The following DST variants were observed in gnomAD, a reference collection of about 807,000 sequenced individuals.
The protein encoded by DST is bullous pemphigoid antigen.
Under a neutral mutation model 875.2 loss-of-function variants are expected in DST, and 253 were observed. The ratio of observed to expected loss-of-function variants is 0.29; its 90% confidence interval spans 0.26 to 0.32. The LOEUF is 0.32. Among genes scored for constraint, DST ranks in the 10% least tolerant of loss-of-function variants. DST has a pLI of 1.00. For synonymous variants in DST, 3,124 were observed against 3,197.1 expected, an observed-to-expected ratio of 0.98 and a Z score of 0.77; for missense variants, 8,287 against 9,111.6, an observed-to-expected ratio of 0.91 and a Z score of 3.68.
intron 2 of DST, among the ~76,000 whole-genome samples, chr6:56,925,133 AT>A (rs199751183): frequency 0.019 from 2,890 of 152,296 alleles, 35 homozygotes; most frequent in Non-Finnish European, 0.031. Flanking sequence ...TAATAAAAGT[AT>A]TTCTTTAATT....
chr6:56,786,090 CTGTG>C (rs963077439), intron 4 of DST, among the ~76,000 whole-genome samples: 2 of 152,082 alleles, frequency 1.3e-5, no homozygotes, highest in African/African-American at 2.4e-5. Context: ...ATGAATAAAA[CTGTG>C]TGTGTTTGTG....
At chr6:56,920,956 T>C (rs1045208458) in intron 2 of DST, among the ~76,000 whole-genome samples, 2 of 142,662 alleles carry the variant, frequency 1.4e-5, no homozygotes, top group Non-Finnish European at 3.0e-5. Context: ...GTTGCCCAGG[T>C]TGATCTGGAA....
intron 27 of DST, among the ~76,000 whole-genome samples, chr6:56,633,588 C>T (rs972518319): frequency 2.7e-5 from 4 of 150,746 alleles, no homozygotes; most frequent in Non-Finnish European, 5.9e-5. Context: ...GCAACCTCTG[C>T]CCCCCAGGTC....
intron 4 of DST, among the ~76,000 whole-genome samples, chr6:56,817,668 A>C (rs543828100): frequency 6.6e-6 from 1 of 152,274 alleles, no homozygotes; most frequent in African/African-American, 2.4e-5. Context: ...AAAGGAAATC[A>C]TGATGATTTC....
chr6:56,899,250 G>C (rs1271207509), intron 3 of DST, among the ~76,000 whole-genome samples: 2 of 152,160 alleles, frequency 1.3e-5, no homozygotes, highest in Non-Finnish European at 2.9e-5. Flanking sequence ...TGTTGAATGA[G>C]TAAATTTTCC....
At chr6:56,487,787 G>A (rs2095613950) in intron 86 of DST, among the ~76,000 whole-genome samples, 1 of 152,048 alleles carries the variant, frequency 6.6e-6, no homozygotes, top group South Asian at 2.1e-4. Context: ...TGAGATAACT[G>A]TTACTGAATA....
chr6:56,708,826 T>A (rs1042719048), intron 5 of DST, among the ~76,000 whole-genome samples: 2 of 152,218 alleles, frequency 1.3e-5, no homozygotes, highest in Non-Finnish European at 2.9e-5. Flanking sequence ...AGTAGACAGC[T>A]AAGCCTACAT....
rs2098865892 is a variant in DST, at chr6:56,639,595, T to C, written c.2714A>G (p.Gln905Arg). The part of the protein sequence containing the change: ...YAKLLNTSRN[Q>R]ERHLDTLHNF... ...ATGGAGTGTATCAAGGTGCCGTTCT[T>C]GATTCCTGGATGTATTCTTTAGTAA... The change falls in exon 21 of 104, where the codon CAA becomes CGA. Residue 905 changes from glutamine to arginine, a missense_variant. Physicochemically the swap from Gln to Arg is conservative, Grantham distance 43 (BLOSUM62 1). This residue lies in a region of DST where 1,160 missense variants were observed against 1,424.3 expected (regional missense o/e 0.81). Transcript: ENST00000680361. 4 of 1,613,972 alleles carry C rather than the reference T, an allele frequency of 2.5e-6. No individual in the cohort carries two copies. The highest frequency in any genetic ancestry group is 3.4e-6 in the Non-Finnish European group (4 of 1,179,940).
At position 56,642,396 on chromosome 6, in the gene DST, T is replaced by C. The variant is rs753636538; in HGVS notation, c.1872+14A>G. 1 of 1,594,488 alleles carries C rather than the reference T, an allele frequency of 6.3e-7. No individual in the cohort carries two copies. Among genetic ancestry groups the C allele is most frequent in the African/African-American group, 1.3e-5 (1 of 74,536 alleles). On this transcript the variant is annotated intron_variant, in intron 16 of 103. Coordinates refer to ENST00000680361, the MANE Select transcript of DST (RefSeq NM_001374736.1). ...CCTCTACCACAACCCCAATGGCTCC[T>C]AAAATTAACTTACAGACTGAAGAGC...
chr6:56,494,362 C>G (rs2095844521), intron 82 of DST, among the ~76,000 whole-genome samples, 182 bp from the exon 83 acceptor site: 1 of 152,108 alleles, frequency 6.6e-6, no homozygotes, highest in Admixed American at 6.6e-5. Context: ...TACAGTCATA[C>G]CCTGTCTACT....
intron 91 of DST, 113 bp downstream of exon 91, chr6:56,477,232 T>G: frequency 8.6e-7 from 1 of 1,160,698 alleles, no homozygotes; most frequent in Non-Finnish European, 1.2e-6. Context: ...ACGTTTTCTA[T>G]GTAGAGGTCT....
chr6:56,834,654 T>G (rs1220752365), intron 4 of DST, among the ~76,000 whole-genome samples: 1 of 150,674 alleles, frequency 6.6e-6, no homozygotes, highest in African/African-American at 2.4e-5. Context: ...ATTAAAACAA[T>G]GAAATACCAC....
chr6:56,460,512 C>A, intron 102 of DST: 1 of 333,282 alleles, frequency 3.0e-6, no homozygotes, highest in East Asian at 5.3e-5. Flanking sequence ...AATGGAGACC[C>A]CCAAAACTGA....
Position 56,606,038 on chromosome 6 carries a change from G to A in DST, c.8590C>T (p.His2864Tyr), listed in dbSNP as rs549296257. The change falls in exon 40 of 104, where the codon CAC becomes TAC. Residue 2864 changes from histidine to tyrosine, a missense_variant. His to Tyr is a moderately conservative substitution (Grantham distance 83). This residue lies in a region of DST where 3,138 missense variants were observed against 3,116.6 expected (regional missense o/e 1.01). Coordinates refer to ENST00000680361, the MANE Select transcript of DST (RefSeq NM_001374736.1). ...INTMILLDKMHSCSSLEKQQR... is the reference protein window; with the variant it reads ...INTMILLDKMYSCSSLEKQQR... ...TGTTTTTCTAAAGAGCTACAACTGT[G>A]CATTTTATCCAGAAGAATCATTGTA... 6.8e-6 allele frequency: 11 copies of A among 1,612,784 alleles called. No homozygotes were observed. The East Asian group carries it at 2.5e-4, about 36-fold the overall frequency.
In DST at chr6:56,604,473, T is replaced by G. The variant is rs1422580750; in HGVS notation, c.10155A>C (p.Leu3385Phe). 6.2e-7 allele frequency: 1 copy of G among 1,611,494 alleles called. No individual in the cohort carries two copies. The highest frequency in any genetic ancestry group is 8.5e-7 in the Non-Finnish European group (1 of 1,178,540). Residue 3385 changes from leucine (L) to phenylalanine (F), a missense_variant, in exon 40 of 104, where the codon TTA becomes TTC. By Grantham distance (22) the Leu-to-Phe change is conservative. Coordinates refer to ENST00000680361, the MANE Select transcript of DST (RefSeq NM_001374736.1). ...EPSACADTKI[L>F]IQNLIKRITT... is the part of the protein sequence containing the mutation. ...TAATCCTTTTAATTAAATTTTGAATTAAAATTTTAGTGTCTGCACAGGCTG... is the reference window on the plus strand; with the variant it reads ...TAATCCTTTTAATTAAATTTTGAATGAAAATTTTAGTGTCTGCACAGGCTG...
Position 56,954,654 on chromosome 6 carries a change from G to A in DST, c.-67C>T, listed in dbSNP as rs1431250958. On this transcript the variant is annotated 5_prime_UTR_variant, in exon 1 of 104. Transcript: ENST00000680361. ...GGCGGCGGCACAGGCACCCGCGCTG[G>A]GCGCACGCCGGGACGGCGGGCACGG... The A allele has an allele frequency of 2.7e-6, 3 of 1,099,582 alleles. No homozygotes were observed. The highest frequency in any genetic ancestry group is 1.7e-5 in the African/African-American group (1 of 58,608). 68.1% of individuals were successfully genotyped at this position (1,099,582 alleles called of 1,614,324 possible). A position where few individuals can be genotyped will look rare whatever the true frequency, so the allele number is the denominator to read the frequency against.
chr6:56,470,048 A>G, intron 96 of DST, 80 bp downstream of exon 96: 1 of 1,599,760 alleles, frequency 6.3e-7, no homozygotes, highest in South Asian at 1.1e-5. Flanking sequence ...GAGTGAAAAT[A>G]AAATGGTTGT....
intron 5 of DST, among the ~76,000 whole-genome samples, chr6:56,726,918 AC>A (rs1324151921): frequency 1.3e-5 from 2 of 152,182 alleles, no homozygotes; most frequent in Non-Finnish European, 2.9e-5. Flanking sequence ...AACAGATATA[AC>A]CTGTCCTTAT....
chr6:56,831,705 T>C (rs2099787256), intron 4 of DST, among the ~76,000 whole-genome samples: 2 of 152,222 alleles, frequency 1.3e-5, no homozygotes, highest in Middle Eastern at 6.8e-3. Flanking sequence ...AATAAGTATT[T>C]GGAATTAAAC....
Sources: allele counts gnomAD v4.1 joint callset (sites outside exome capture counted in the v4.1 genomes callset), GRCh38; gene constraint gnomAD v4.1.1; regional missense constraint gnomAD v4.1.1; transcripts MANE v1.5; gene names NCBI Gene and HGNC (gene_info 2026-07-23, HGNC 2026-07-21).